The following PTPN9 variants were observed in gnomAD, a reference collection of about 807,000 sequenced individuals.
The protein encoded by PTPN9 is protein tyrosine phosphatase non-receptor type 9.
Under a neutral mutation model 69.8 loss-of-function variants are expected in PTPN9, and 26 were observed. The ratio of observed to expected loss-of-function variants is 0.37; its 90% CI spans 0.27 to 0.52. PTPN9 has a LOEUF of 0.52. Ranked by LOEUF, PTPN9 falls within the 20% of genes least tolerant of loss-of-function variation. PTPN9 has a pLI of 0.91. For missense variants in PTPN9, 549 were observed against 740.3 expected (o/e 0.74, Z 3.00); for synonymous variants, 274 against 272.5 (o/e 1.01, Z -0.05).
rs1021741407 is a variant in PTPN9, at chr15:75,538,938, G to A, written c.64-11677C>T. ...TAACCCCAACACTTTGTGAGGCTGA[G>A]GCAGGAGGATCACTTGAATCCAGTA... On this transcript the variant is annotated intron_variant, in intron 1 of 12. Coordinates refer to ENST00000618819, the MANE Select transcript of PTPN9 (RefSeq NM_002833.4). Among the ~76,000 whole-genome samples, 4 of 151,982 alleles carry A rather than the reference G, an allele frequency of 2.6e-5. No individual in the cohort carries two copies. The East Asian group carries it at 7.7e-4, about 29-fold the overall frequency.
intron 1 of PTPN9, among the ~76,000 whole-genome samples, chr15:75,561,527 T>G (rs2075103896): frequency 6.6e-6 from 1 of 151,998 alleles, no homozygotes; most frequent in South Asian, 2.1e-4. Flanking sequence ...ACTTTCCCAT[T>G]ATACTCACTG....
intron 1 of PTPN9, among the ~76,000 whole-genome samples, chr15:75,558,765 G>A (rs2043887562): frequency 6.6e-6 from 1 of 152,216 alleles, no homozygotes; most frequent in Non-Finnish European, 1.5e-5. Context: ...TCCTAACCGC[G>A]AGTGATCTGC....
At chr15:75,488,076 T>G (rs558205534) in intron 8 of PTPN9, among the ~76,000 whole-genome samples, 1 of 149,026 alleles carries the variant, frequency 6.7e-6, no homozygotes, top group African/African-American at 2.5e-5. Context: ...AGGTCAGGAG[T>G]TCAAGACCAG....
At chr15:75,568,141 T>C (rs1437238760) in intron 1 of PTPN9, among the ~76,000 whole-genome samples, 4 of 152,124 alleles carry the variant, frequency 2.6e-5, no homozygotes, top group Non-Finnish European at 5.9e-5. Context: ...AAATAAGGTT[T>C]CCCATGAGTT....
chr15:75,578,273 G>A (rs541102607), intron 1 of PTPN9, among the ~76,000 whole-genome samples: 48 of 152,304 alleles, frequency 3.2e-4, no homozygotes, highest in African/African-American at 1.2e-3. Flanking sequence ...CTCTCCTCGG[G>A]AAGGGAGATA....
chr15:75,523,331 G>T, intron 3 of PTPN9, 86 bp from the exon 4 acceptor site: 1 of 1,405,924 alleles, frequency 7.1e-7, no homozygotes, highest in Non-Finnish European at 9.6e-7. Context: ...ATAAGGGTTT[G>T]ATACATGTAG....
chr15:75,570,780 A>G (rs529729833), intron 1 of PTPN9, among the ~76,000 whole-genome samples: 1 of 152,180 alleles, frequency 6.6e-6, no homozygotes, highest in African/African-American at 2.4e-5. Context: ...GTCTCCAAAA[A>G]AAAAAGCAAA....
chr15:75,479,981 A>G lies in PTPN9; in HGVS notation c.1063-67T>C, dbSNP rs564405465. 15 of 1,140,106 alleles carry G rather than the reference A, an allele frequency of 1.3e-5. No individual in the cohort carries two copies. In the African/African-American group the frequency reaches 2.2e-4, roughly 17 times the overall value. The allele number at this position is 1,140,106 out of a possible 1,614,324, so 70.6% of individuals were successfully genotyped here. ...CACCATTTGGGTCATAAAATGATGT[A>G]CTCAGTAAGTAAAACCCAAGGTGTG... On this transcript the variant is annotated intron_variant, in intron 8 of 12. Transcript: ENST00000618819.
intron 7 of PTPN9, among the ~76,000 whole-genome samples, chr15:75,504,667 C>T (rs1399896362): frequency 7.0e-6 from 1 of 143,022 alleles, no homozygotes; most frequent in Admixed American, 6.9e-5. Context: ...GCCCGGCCAG[C>T]CGCCCTGTCC....
At chr15:75,512,697 T>G (rs576517146) in intron 5 of PTPN9, 29 of 202,618 alleles carry the variant, frequency 1.4e-4, no homozygotes, top group Non-Finnish European at 6.0e-5. Context: ...ATACAGTCAT[T>G]TATTTATTTG....
In PTPN9 at chr15:75,572,834, T is replaced by C. The variant is rs568631762; in HGVS notation, c.63+5880A>G. ...GTGACCACACCTTGAAATGGAGAGT[T>C]GACAACTCTGTTTTAAGGAACAAAT... On this transcript the variant is annotated intron_variant, in intron 1 of 12. Transcript: ENST00000618819. Among the ~76,000 whole-genome samples the C allele has an allele frequency of 1.4e-3, 214 of 152,310 alleles. 1 individual carries two copies. Among genetic ancestry groups the C allele is most frequent in the African/African-American group, 4.9e-3 (205 of 41,572 alleles).
At chr15:75,498,587 C>T (rs1402591483) in intron 7 of PTPN9, among the ~76,000 whole-genome samples, 12 of 151,918 alleles carry the variant, frequency 7.9e-5, no homozygotes, top group East Asian at 3.9e-4. Flanking sequence ...TGGTGGTGCA[C>T]GCCTGTAATC....
At chr15:75,513,191 T>C (rs2074852337) in intron 5 of PTPN9, 1 of 448,080 alleles carries the variant, frequency 2.2e-6, no homozygotes. Context: ...AGAGACGTAA[T>C]AGCTTCTACT....
At chr15:75,578,679 G>A in intron 1 of PTPN9, 35 bp downstream of exon 1, 10 of 1,357,800 alleles carry the variant, frequency 7.4e-6, no homozygotes, top group Non-Finnish European at 9.5e-6. Context: ...CGGGGGCCCG[G>A]ACACACCCAA....
intron 1 of PTPN9, among the ~76,000 whole-genome samples, chr15:75,537,802 T>TAATCCCA (rs1414638370): frequency 7.1e-6 from 1 of 139,934 alleles, no homozygotes; most frequent in Admixed American, 7.4e-5. Context: ...CTCACACCTG[T>TAATCCCA]AATCCCAGCA....
At chr15:75,471,751 C>A (rs2074567103) in intron 10 of PTPN9, among the ~76,000 whole-genome samples, 1 of 151,720 alleles carries the variant, frequency 6.6e-6, no homozygotes, top group South Asian at 2.1e-4. Flanking sequence ...CCCATCTCTA[C>A]TAAAAATACA....
intron 8 of PTPN9, among the ~76,000 whole-genome samples, chr15:75,483,384 A>C (rs1305045870): frequency 6.6e-6 from 1 of 152,246 alleles, no homozygotes; most frequent in African/African-American, 2.4e-5. Context: ...GGCAGTAAAA[A>C]GCAGTGATGT....
At chr15:75,567,009 A>AT (rs1215458636) in intron 1 of PTPN9, among the ~76,000 whole-genome samples, 1 of 143,170 alleles carries the variant, frequency 7.0e-6, no homozygotes, top group Non-Finnish European at 1.5e-5. Context: ...TAAATAGCCC[A>AT]TTTTTTTTCT....
chr15:75,550,167 GTTT>G (rs754056439), intron 1 of PTPN9, among the ~76,000 whole-genome samples: 2 of 138,426 alleles, frequency 1.4e-5, no homozygotes, highest in South Asian at 2.3e-4. Context: ...CCCTGTGGTA[GTTT>G]TTTTTTTTTT....
Sources: gnomAD v4.1 joint callset for allele counts (sites outside exome capture counted in the v4.1 genomes callset) on GRCh38, gnomAD v4.1.1 for gene constraint, MANE v1.5 for transcripts, NCBI Gene and HGNC (gene_info 2026-07-23, HGNC 2026-07-21) for gene names.